The following DNAAF4 variants were observed in gnomAD, a reference collection of about 807,000 sequenced individuals.
The protein encoded by DNAAF4 is dynein assembly factor 4, axonemal.
Under a neutral mutation model 51.8 loss-of-function variants are expected in DNAAF4, and 43 were observed. The ratio of observed to expected loss-of-function variants is 0.83; its 90% CI spans 0.65 to 1.07. The LOEUF (loss-of-function observed/expected upper bound fraction) is 1.07, where lower values mean the gene tolerates loss of function less well. Ranked by LOEUF, DNAAF4 falls within the 50% of genes least tolerant of loss-of-function variation. The probability of loss-of-function intolerance (pLI) is 0.00; values close to 1 mark genes in which losing one functional copy is unlikely to be tolerated. For missense variants in DNAAF4, 581 were observed against 493.0 expected, an observed-to-expected ratio of 1.18 and a Z score of -1.69; for synonymous variants, 194 against 165.6, an observed-to-expected ratio of 1.17 and a Z score of -1.32.
intron 7 of DNAAF4, chr15:55,418,451 A>G (rs1373559217): frequency 5.3e-6 from 8 of 1,522,096 alleles, no homozygotes; most frequent in Admixed American, 2.0e-5. Context: ...TTATACTCCA[A>G]AGGAGCAAGT....
rs190844250 is a variant in DNAAF4 at position 55,437,641 on chromosome 15, C to G, written c.893+1831G>C. Among the ~76,000 whole-genome samples, 14 of 152,172 alleles carry G rather than the reference C, an allele frequency of 9.2e-5. No homozygotes were observed. The East Asian group carries it at 2.1e-3, about 23-fold the overall frequency. Reference sequence around the variant, plus strand: ...AGTACCCTGGATGATGTAGGTGGGACTTACATAAACACAAGAGGCCTTATA... The same window carrying G: ...AGTACCCTGGATGATGTAGGTGGGAGTTACATAAACACAAGAGGCCTTATA... On this transcript the variant is annotated intron_variant, in intron 7 of 9. Coordinates refer to ENST00000321149, the MANE Select transcript of DNAAF4 (RefSeq NM_130810.4).
chr15:55,439,922 C>T (rs1313888660), intron 6 of DNAAF4, among the ~76,000 whole-genome samples: 1 of 152,148 alleles, frequency 6.6e-6, no homozygotes, highest in Non-Finnish European at 1.5e-5. Flanking sequence ...AGCACCCCTA[C>T]CAAGAATCAT....
downstream of DNAAF4, among the ~76,000 whole-genome samples, chr15:55,429,521 GAAA>G: frequency 1.1e-5 from 1 of 89,340 alleles, no homozygotes; most frequent in African/African-American, 5.2e-5. Context: ...TGTGTCTCAA[GAAA>G]AAAAAAAAAA....
Position 55,497,632 on chromosome 15 carries a change from G to A in DNAAF4, c.271+80C>T, listed in dbSNP as rs529901477. On this transcript the variant is annotated intron_variant, in intron 3 of 9. Coordinates refer to ENST00000321149, the MANE Select transcript of DNAAF4 (RefSeq NM_130810.4). ...ATCTATCTTCCCCTACACAATATAGGTGCTTCAAAATAAAATTTTTTAAAA... is the reference window on the plus strand; with the variant it reads ...ATCTATCTTCCCCTACACAATATAGATGCTTCAAAATAAAATTTTTTAAAA... 30 of 1,493,560 alleles carry A rather than the reference G, an allele frequency of 2.0e-5. No homozygotes were observed. In the East Asian group the frequency reaches 2.1e-4, roughly 10 times the overall value. 92.5% of individuals were successfully genotyped at this position (1,493,560 alleles called of 1,614,324 possible).
chr15:55,499,335 T>C (rs1211912119), intron 1 of DNAAF4, among the ~76,000 whole-genome samples: 5 of 152,206 alleles, frequency 3.3e-5, no homozygotes, highest in Non-Finnish European at 1.5e-5. Context: ...CAATCAGGGC[T>C]CAGCTGTATC....
intron 7 of DNAAF4, among the ~76,000 whole-genome samples, chr15:55,423,071 G>T (rs73408805): frequency 0.18 from 26,859 of 151,604 alleles, 4,116 homozygotes; most frequent in African/African-American, 0.42. Context: ...AAACTTTATT[G>T]GAATAAGAAA....
At chr15:55,441,326 T>C (rs2057708995) in intron 6 of DNAAF4, among the ~76,000 whole-genome samples, 1 of 152,146 alleles carries the variant, frequency 6.6e-6, no homozygotes, top group South Asian at 2.1e-4. Flanking sequence ...CACCTCGGCC[T>C]CCCAAAGTGC....
At chr15:55,505,802 G>T (rs2058724417) in intron 1 of DNAAF4, among the ~76,000 whole-genome samples, 1 of 152,188 alleles carries the variant, frequency 6.6e-6, no homozygotes, top group Non-Finnish European at 1.5e-5. Flanking sequence ...AGCGTTAGGA[G>T]AAATACCTAA....
intron 6 of DNAAF4, among the ~76,000 whole-genome samples, chr15:55,445,146 A>C (rs1428860633): frequency 2.7e-5 from 4 of 150,874 alleles, no homozygotes; most frequent in African/African-American, 9.8e-5. Flanking sequence ...AGATAAACAC[A>C]TGAACAAAGG....
chr15:55,428,948 G>A (rs181818766), downstream of DNAAF4, among the ~76,000 whole-genome samples: 3,030 of 152,090 alleles, frequency 0.02, 49 homozygotes, highest in Non-Finnish European at 0.023. Context: ...TAGGCCAGGC[G>A]CGGGGGGTCT....
intron 5 of DNAAF4, among the ~76,000 whole-genome samples, chr15:55,462,590 C>T (rs544730300): frequency 1.5e-4 from 22 of 150,864 alleles, no homozygotes; most frequent in South Asian, 1.0e-3. Flanking sequence ...CATTCTACAA[C>T]GCCAGTACTA....
At chr15:55,445,032 CTTTTTTTTT>C (rs35988188) in intron 6 of DNAAF4, among the ~76,000 whole-genome samples, 2 of 109,044 alleles carry the variant, frequency 1.8e-5, no homozygotes, top group Non-Finnish European at 3.6e-5. Flanking sequence ...ATTGAATACC[CTTTTTTTTT>C]TTTTTTTTTT....
intron 5 of DNAAF4, among the ~76,000 whole-genome samples, chr15:55,455,339 C>T (rs1595913331): frequency 7.0e-6 from 1 of 143,728 alleles, no homozygotes; most frequent in East Asian, 2.1e-4. Context: ...AACTGAACCT[C>T]AATATGAAGA....
In DNAAF4 at chr15:55,432,591, T is replaced by C; in HGVS notation, c.1059A>G (p.Leu353=). 1.9e-6 allele frequency: 3 copies of C among 1,611,174 alleles called. No homozygotes were observed. Among genetic ancestry groups the C allele is most frequent in the South Asian group, 1.1e-5 (1 of 90,624 alleles). ...AIEDSSKALE[L]LMPPVTDNAN... is the part of the protein sequence containing the mutation. ...CATTGTCTGTAACAGGTGGCATCAA[T>C]AATTCCAGTGCCTTACAAAATATAT... Residue 353 remains leucine (L), a synonymous_variant, in exon 9 of 10, where the codon TTA becomes TTG. Coordinates refer to ENST00000321149, the MANE Select transcript of DNAAF4 (RefSeq NM_130810.4).
downstream of DNAAF4, among the ~76,000 whole-genome samples, chr15:55,428,493 T>C (rs868834748): frequency 2.0e-4 from 26 of 130,400 alleles, no homozygotes; most frequent in East Asian, 1.3e-3. Context: ...TCTTTTTTTT[T>C]TTTTTTTTTT....
intron 4 of DNAAF4, among the ~76,000 whole-genome samples, chr15:55,475,088 T>C (rs895086773): frequency 6.6e-5 from 10 of 152,260 alleles, no homozygotes; most frequent in African/African-American, 2.4e-4. Flanking sequence ...AAATGCCATG[T>C]TCCTGGAGGG....
chr15:55,484,487 GAAAA>G (rs781426367), intron 4 of DNAAF4, among the ~76,000 whole-genome samples: 1 of 104,622 alleles, frequency 9.6e-6, no homozygotes. Context: ...TCCGTCTCAG[GAAAA>G]AAAAAAAAAA....
At chr15:55,446,684 C>T (rs185657304) in intron 6 of DNAAF4, among the ~76,000 whole-genome samples, 10,048 of 124,638 alleles carry the variant, frequency 0.081, 390 homozygotes, top group South Asian at 0.13. Context: ...ACATCCCAGA[C>T]GGGGTGGCCG....
Position 55,498,411 on chromosome 15 carries a change from G to T in DNAAF4, c.-82C>A, listed in dbSNP as rs990877136. ...GCTAGGGAAGCTGGGGTTACCATGC[G>T]CCAGCCCTTCCGGGTCAGGCCGGCC... On this transcript the variant is annotated 5_prime_UTR_variant, in exon 2 of 10. Transcript: ENST00000321149. The T allele has an allele frequency of 6.5e-7, 1 of 1,533,046 alleles. No individual in the cohort carries two copies. Among genetic ancestry groups the T allele is most frequent in the Non-Finnish European group, 8.8e-7 (1 of 1,141,324 alleles). 95.0% of individuals were successfully genotyped at this position (1,533,046 alleles called of 1,614,324 possible). A position where few individuals can be genotyped will look rare whatever the true frequency, so the allele number is the denominator to read the frequency against.
Sources: gnomAD v4.1 joint callset for allele counts (sites outside exome capture counted in the v4.1 genomes callset) on GRCh38, gnomAD v4.1.1 for gene constraint, MANE v1.5 for transcripts, NCBI Gene and HGNC (gene_info 2026-07-23, HGNC 2026-07-21) for gene names.